GABRG3: variants seen among roughly 807,000 people sequenced by gnomAD.
GABRG3 encodes the protein gamma-aminobutyric acid receptor subunit gamma-3.
A neutral mutation model predicts 48.8 loss-of-function variants in GABRG3; 25 were observed. That is an observed-to-expected ratio of 0.51 (90% CI 0.37 to 0.72). The LOEUF is 0.72. Ranked by LOEUF, GABRG3 falls within the 30% of genes least tolerant of loss-of-function variation. The pLI is 0.00. For synonymous variants in GABRG3, 227 were observed against 217.6 expected, an observed-to-expected ratio of 1.04 and a Z score of -0.38; for missense variants, 394 against 577.9, an observed-to-expected ratio of 0.68 and a Z score of 3.26.
intron 3 of GABRG3, among the ~76,000 whole-genome samples, chr15:27,146,325 C>G (rs1347406649): frequency 6.6e-6 from 1 of 152,028 alleles, no homozygotes; most frequent in Non-Finnish European, 1.5e-5. Flanking sequence ...GGTTTGATGG[C>G]CGGTGCCTGT....
chr15:27,299,145 G>A (rs907729916), intron 3 of GABRG3, among the ~76,000 whole-genome samples: 6 of 150,792 alleles, frequency 4.0e-5, no homozygotes, highest in African/African-American at 1.2e-4. Flanking sequence ...CTAGCTGGGT[G>A]TGGTGGCAGG....
chr15:27,401,386 A>G (rs1395972952), intron 5 of GABRG3, among the ~76,000 whole-genome samples: 1 of 152,228 alleles, frequency 6.6e-6, no homozygotes. Context: ...CCAAGGTGCA[A>G]ACAAAATTAA....
rs148960445 is a variant in GABRG3, at chr15:27,276,610, T to C, written c.271-50199T>C. Among the ~76,000 whole-genome samples the C allele has an allele frequency of 1.9e-4, 29 of 152,162 alleles. No homozygotes were observed. The East Asian group carries it at 5.4e-3, about 28-fold the overall frequency. ...AGGCTGGGCCGAGTTACTAAGAGAG[T>C]TGGGAATGGGAATGATTAGCTTTTT... On this transcript the variant is annotated intron_variant, in intron 3 of 9. Transcript: ENST00000615808.
chr15:27,308,337 CATAAT>C (rs1218789917), intron 3 of GABRG3, among the ~76,000 whole-genome samples: 5 of 131,276 alleles, frequency 3.8e-5, no homozygotes, highest in South Asian at 2.3e-4. Context: ...TATATATAAA[CATAAT>C]ATAAACATAC....
chr15:27,221,525 T>A (rs1163197809), intron 3 of GABRG3, among the ~76,000 whole-genome samples: 1 of 152,108 alleles, frequency 6.6e-6, no homozygotes. Context: ...TTAGCCTGTT[T>A]AAAGTGATGC....
At chr15:27,238,520 T>G (rs1377511163) in intron 3 of GABRG3, among the ~76,000 whole-genome samples, 6 of 152,234 alleles carry the variant, frequency 3.9e-5, no homozygotes, top group Non-Finnish European at 2.9e-5. Flanking sequence ...AATTATGTAC[T>G]GTGTCCCTCC....
At chr15:27,224,118 G>A (rs1343648048) in intron 3 of GABRG3, among the ~76,000 whole-genome samples, 1 of 152,218 alleles carries the variant, frequency 6.6e-6, no homozygotes, top group South Asian at 2.1e-4. Context: ...GCTCCCAGTG[G>A]CCTCCAACTT....
chr15:27,093,086 T>C (rs1465566624), intron 3 of GABRG3, among the ~76,000 whole-genome samples: 2 of 152,094 alleles, frequency 1.3e-5, no homozygotes, highest in Non-Finnish European at 2.9e-5. Context: ...GAGGATCTCC[T>C]CTAGAGTGGG....
chr15:27,243,396 G>C (rs1012085621), intron 3 of GABRG3, among the ~76,000 whole-genome samples: 31 of 152,108 alleles, frequency 2.0e-4, no homozygotes, highest in Admixed American at 1.7e-3. Context: ...GCAGGGGATG[G>C]GGAAGAAAGA....
chr15:27,384,533 G>T (rs1895866950), intron 5 of GABRG3, among the ~76,000 whole-genome samples: 1 of 152,166 alleles, frequency 6.6e-6, no homozygotes, highest in African/African-American at 2.4e-5. Flanking sequence ...GGACGTTGGA[G>T]TCAATTTAAT....
chr15:27,505,059 C>G (rs1890730228), intron 6 of GABRG3, among the ~76,000 whole-genome samples: 1 of 152,108 alleles, frequency 6.6e-6, no homozygotes, highest in Non-Finnish European at 1.5e-5. Flanking sequence ...CGTATTTTTT[C>G]TGTTCTAGGA....
intron 3 of GABRG3, among the ~76,000 whole-genome samples, chr15:27,053,282 T>A (rs1337292527): frequency 6.6e-6 from 1 of 152,074 alleles, no homozygotes; most frequent in East Asian, 1.9e-4. Context: ...ATAACTAACT[T>A]AAATCAACAA....
chr15:27,394,121 G>C lies in GABRG3; in HGVS notation c.574+65233G>C, dbSNP rs1002594652. On this transcript the variant is annotated intron_variant, in intron 5 of 9. Transcript: ENST00000615808. ...CAGATAAGGTAAGATTTACAACTGGGGTTTTTATATTTGTTTTCTGTATGT... is the reference window on the plus strand; with the variant it reads ...CAGATAAGGTAAGATTTACAACTGGCGTTTTTATATTTGTTTTCTGTATGT... Among the ~76,000 whole-genome samples the C allele has an allele frequency of 2.0e-5, 3 of 152,026 alleles. No individual in the cohort carries two copies. In the East Asian group the frequency reaches 5.8e-4, roughly 29 times the overall value.
At chr15:27,519,089 AG>A (rs1360299306) in intron 6 of GABRG3, among the ~76,000 whole-genome samples, 1 of 152,134 alleles carries the variant, frequency 6.6e-6, no homozygotes, top group African/African-American at 2.4e-5. Flanking sequence ...GGCACGGGGA[AG>A]GTGATAGTTC....
At chr15:27,321,896 G>A (rs566949976) in intron 3 of GABRG3, among the ~76,000 whole-genome samples, 10 of 152,350 alleles carry the variant, frequency 6.6e-5, no homozygotes, top group African/African-American at 1.9e-4. Context: ...TCCGCGTGTC[G>A]CGGTAATTCG....
intron 3 of GABRG3, among the ~76,000 whole-genome samples, chr15:27,318,794 G>A (rs190867967): frequency 6.6e-6 from 1 of 152,072 alleles, no homozygotes; most frequent in Non-Finnish European, 1.5e-5. Context: ...TCCTCTCTGG[G>A]GGTCTAAGGG....
At chr15:27,293,396 T>C (rs1891859028) in intron 3 of GABRG3, among the ~76,000 whole-genome samples, 1 of 152,038 alleles carries the variant, frequency 6.6e-6, no homozygotes, top group Non-Finnish European at 1.5e-5. Flanking sequence ...AGGTTAAGAA[T>C]TGAGAGCTGG....
At chr15:27,063,666 T>G (rs1896689473) in intron 3 of GABRG3, among the ~76,000 whole-genome samples, 1 of 152,314 alleles carries the variant, frequency 6.6e-6, no homozygotes, top group Non-Finnish European at 1.5e-5. Flanking sequence ...TCACCCAGTC[T>G]CAGATATTTC....
chr15:27,378,703 A>G (rs1895674518), intron 5 of GABRG3, among the ~76,000 whole-genome samples: 1 of 152,218 alleles, frequency 6.6e-6, no homozygotes, highest in Non-Finnish European at 1.5e-5. Flanking sequence ...CATGATACAT[A>G]GTCTGATTAC....
Sources: gnomAD v4.1 joint callset for allele counts (sites outside exome capture counted in the v4.1 genomes callset) on GRCh38, gnomAD v4.1.1 for gene constraint, MANE v1.5 for transcripts, NCBI Gene and HGNC (gene_info 2026-07-23, HGNC 2026-07-21) for gene names.